The following CCAR1 variants were observed in gnomAD, a reference collection of about 807,000 sequenced individuals.
CCAR1 encodes cell division cycle and apoptosis regulator protein 1.
CCAR1 carries 78 observed loss-of-function variants against 163.8 expected under a neutral mutation model. The observed-to-expected ratio is 0.48, with a 90% CI of 0.40 to 0.57. The LOEUF (loss-of-function observed/expected upper bound fraction) is 0.57. CCAR1 is among the 20% of genes least tolerant of loss of function. The pLI is 0.00. For synonymous variants in CCAR1, 443 were observed against 460.7 expected (o/e 0.96, Z 0.49); for missense variants, 1,019 against 1,365.2 (o/e 0.75, Z 4.00).
At chr10:68,785,091 G>A (rs995105079) in intron 19 of CCAR1, among the ~76,000 whole-genome samples, 5 of 151,658 alleles carry the variant, frequency 3.3e-5, no homozygotes, top group African/African-American at 1.2e-4. Flanking sequence ...CTAATTTTTT[G>A]TATTTTTAGT....
At position 68,791,211 on chromosome 10, in the gene CCAR1, A is replaced by G. The variant is rs940528533; in HGVS notation, c.3398A>G (p.Asn1133Ser). 18 of 1,569,162 alleles carry G rather than the reference A, an allele frequency of 1.1e-5. No individual in the cohort carries two copies. In the African/African-American group the frequency reaches 2.3e-4, roughly 20 times the overall value. ...DEIHTVLKKD[N>S]VKNEDKDQKS... Reference sequence around the variant, plus strand: ...TCCTTCTCTATTGTCTTATAGGATAATGTAAAGAATGAAGACAAAGATCAA... The same window carrying G: ...TCCTTCTCTATTGTCTTATAGGATAGTGTAAAGAATGAAGACAAAGATCAA... The change falls in exon 25 of 25, where the codon AAT (asparagine) becomes AGT (serine). Residue 1133 changes from asparagine (N) to serine (S), a missense_variant. Coordinates refer to ENST00000265872, the MANE Select transcript of CCAR1 (RefSeq NM_018237.4).
intron 19 of CCAR1, among the ~76,000 whole-genome samples, chr10:68,773,845 T>C (rs1412425390): frequency 6.6e-6 from 1 of 152,072 alleles, no homozygotes; most frequent in Non-Finnish European, 1.5e-5. Flanking sequence ...CTGGAGTAAC[T>C]GGGACTACAG....
rs1311463711 is a variant in CCAR1 at position 68,761,262 on chromosome 10, G to A, written c.2106+70G>A. On this transcript the variant is annotated intron_variant, in intron 16 of 24. Transcript: ENST00000265872. ...TGTATAGGGTGTTCTTGGAATACGT[G>A]AGTTAAGATTATGTGTGTGTAAGCT... 5.4e-6 allele frequency: 4 copies of A among 738,542 alleles called. No homozygotes were observed. The African/African-American group carries it at 7.3e-5, about 14-fold the overall frequency. The allele number at this position is 738,542 out of a possible 1,614,324, so 45.7% of individuals were successfully genotyped here.
In CCAR1 at chr10:68,753,955, T is replaced by C. The variant is rs1463915836; in HGVS notation, c.1222T>C (p.Ser408Pro). The change falls in exon 11 of 25, where the codon TCA becomes CCA. Residue 408 changes from serine to proline, a missense_variant. Coordinates refer to ENST00000265872, the MANE Select transcript of CCAR1 (RefSeq NM_018237.4). Reference sequence around the variant, plus strand: ...TACATGGGTGGATGCTTTCCCTTTGTCAAGACCATTTCAGCTGGGAAATTA... The same window carrying C: ...TACATGGGTGGATGCTTTCCCTTTGCCAAGACCATTTCAGCTGGGAAATTA... ...QFTWVDAFPL[S>P]RPFQLGNYCN... 6.2e-7 allele frequency: 1 copy of C among 1,614,024 alleles called. No individual in the cohort carries two copies.
intron 3 of CCAR1, 25 bp from the exon 4 acceptor site, chr10:68,737,820 G>GA (rs757949287): frequency 3.3e-6 from 5 of 1,521,226 alleles, no homozygotes; most frequent in African/African-American, 2.8e-5. Flanking sequence ...ATTTTTCTTT[G>GA]AAAAATTTTT....
intron 21 of CCAR1, among the ~76,000 whole-genome samples, chr10:68,787,296 A>G (rs2056806220): frequency 6.6e-6 from 1 of 151,640 alleles, no homozygotes; most frequent in African/African-American, 2.4e-5. Context: ...CTATAGATAC[A>G]TTCACCATGA....
chr10:68,763,718 G>T (rs1226115555), intron 16 of CCAR1, among the ~76,000 whole-genome samples: 1 of 152,194 alleles, frequency 6.6e-6, no homozygotes, highest in Non-Finnish European at 1.5e-5. Flanking sequence ...AAAGTGCTGG[G>T]ATTACAGGTG....
At position 68,749,155 on chromosome 10, in the gene CCAR1, T is replaced by C; in HGVS notation, c.846T>C (p.Pro282=). 1 of 1,614,100 alleles carries C rather than the reference T, an allele frequency of 6.2e-7. No homozygotes were observed. Among genetic ancestry groups the C allele is most frequent in the Non-Finnish European group, 8.5e-7 (1 of 1,179,990 alleles). The change falls in exon 9 of 25, where the codon CCT becomes CCC. Residue 282 remains proline, a synonymous_variant. Transcript: ENST00000265872. ...TTAAAGCTGGTTTATTGCAGCCTCC[T>C]GTTCGTATAGTTTCACAGCCACAAC... ...PQQKAGLLQP[P]VRIVSQPQPA... is the part of the protein sequence containing the mutation.
chr10:68,775,004 A>G, intron 19 of CCAR1: 1 of 371,418 alleles, frequency 2.7e-6, no homozygotes. Context: ...TTGCCTCTAC[A>G]TTTTCTTCTC....
At position 68,761,069 on chromosome 10, in the gene CCAR1, G is replaced by A. The variant is rs748698567; in HGVS notation, c.1983G>A (p.Gln661=). Residue 661 remains glutamine (Q), a synonymous_variant, in exon 16 of 25, where the codon CAG becomes CAA. Coordinates refer to ENST00000265872, the MANE Select transcript of CCAR1 (RefSeq NM_018237.4). ...TTAGTTCCAAAGGATTAAAATCCCA[G>A]TTAATAGCCCGATTGACAAAACAGC... ...RALSSKGLKS[Q]LIARLTKQLK... 1 of 1,601,582 alleles carries A rather than the reference G, an allele frequency of 6.2e-7. No individual in the cohort carries two copies.
At chr10:68,730,840 G>A (rs978576027) in intron 2 of CCAR1, among the ~76,000 whole-genome samples, 1 of 152,010 alleles carries the variant, frequency 6.6e-6, no homozygotes, top group South Asian at 2.1e-4. Flanking sequence ...ACAGGTGTGC[G>A]TCACCATGTA....
At chr10:68,784,521 T>C (rs1406594410) in intron 19 of CCAR1, among the ~76,000 whole-genome samples, 1 of 152,132 alleles carries the variant, frequency 6.6e-6, no homozygotes. Flanking sequence ...CGATTGACTC[T>C]AATTTTAAAA....
chr10:68,739,138 C>T (rs953791627), intron 4 of CCAR1, among the ~76,000 whole-genome samples: 1 of 152,130 alleles, frequency 6.6e-6, no homozygotes, highest in Admixed American at 6.6e-5. Context: ...AAGCATGTCC[C>T]TGGAAAGGAT....
At chr10:68,776,412 A>G (rs1428066311) in intron 19 of CCAR1, among the ~76,000 whole-genome samples, 1 of 152,038 alleles carries the variant, frequency 6.6e-6, no homozygotes, top group Non-Finnish European at 1.5e-5. Context: ...TAAAAATACA[A>G]AAAATTAGCT....
intron 18 of CCAR1, among the ~76,000 whole-genome samples, chr10:68,772,041 TTTTG>T (rs1011972938): frequency 3.3e-5 from 5 of 151,808 alleles, no homozygotes; most frequent in African/African-American, 4.8e-5. Flanking sequence ...CAGCTAATTT[TTTTG>T]TTTGTTTGTT....
At chr10:68,758,544 GTA>G (rs1223059811) in intron 15 of CCAR1, among the ~76,000 whole-genome samples, 125 of 137,902 alleles carry the variant, frequency 9.1e-4, no homozygotes, top group Non-Finnish European at 1.3e-3. Context: ...GTGTGTGTGT[GTA>G]TACAGTGTAT....
At chr10:68,752,894 A>G (rs914578272) in intron 10 of CCAR1, among the ~76,000 whole-genome samples, 1 of 135,974 alleles carries the variant, frequency 7.4e-6, no homozygotes, top group Non-Finnish European at 1.5e-5. Flanking sequence ...ATAGATAGAT[A>G]GATAGATAGA....
intron 15 of CCAR1, 120 bp downstream of exon 15, chr10:68,757,497 C>T: frequency 1.9e-6 from 1 of 536,194 alleles, no homozygotes. Flanking sequence ...TCACTTCAGC[C>T]TCTGCCTCCT....
chr10:68,780,385 T>G (rs1401731179), intron 19 of CCAR1, among the ~76,000 whole-genome samples: 1 of 152,164 alleles, frequency 6.6e-6, no homozygotes, highest in Non-Finnish European at 1.5e-5. Flanking sequence ...TATAGAGATG[T>G]GGTCTCACTA....
Sources: allele counts gnomAD v4.1 joint callset (sites outside exome capture counted in the v4.1 genomes callset), GRCh38; gene constraint gnomAD v4.1.1; transcripts MANE v1.5; gene names NCBI Gene and HGNC (gene_info 2026-07-23, HGNC 2026-07-21).